Variants in CSMD1 observed in about 807,000 individuals in gnomAD.
CSMD1 encodes CUB and sushi domain-containing protein 1.
In CSMD1, 213 loss-of-function variants were observed where a neutral mutation model predicts 417.5. The ratio of observed to expected loss-of-function variants is 0.51; its 90% CI spans 0.46 to 0.57. The LOEUF is 0.57. Ranked by LOEUF, CSMD1 falls within the 20% of genes least tolerant of loss-of-function variation. CSMD1 has a pLI of 0.00. For synonymous variants in CSMD1, 2,862 were observed against 1,736.8 expected, an observed-to-expected ratio of 1.65 and a Z score of -16.11; for missense variants, 6,923 against 4,529.7, an observed-to-expected ratio of 1.53 and a Z score of -15.17.
chr8:3,554,798 C>T (rs1410440289), intron 10 of CSMD1, among the ~76,000 whole-genome samples: 1 of 152,120 alleles, frequency 6.6e-6, no homozygotes, highest in Non-Finnish European at 1.5e-5. Context: ...GAAGAGATTT[C>T]AACAGTGTGT....
chr8:4,824,994 T>A (rs1293838917), intron 1 of CSMD1, among the ~76,000 whole-genome samples: 1 of 152,110 alleles, frequency 6.6e-6, no homozygotes, highest in Non-Finnish European at 1.5e-5. Flanking sequence ...TGAGCGAACC[T>A]GAATGCACTG....
chr8:3,651,899 C>G (rs1797875414), intron 7 of CSMD1, among the ~76,000 whole-genome samples: 1 of 151,728 alleles, frequency 6.6e-6, no homozygotes, highest in Non-Finnish European at 1.5e-5. Context: ...TTACTACCAT[C>G]AGAGTGCTTA....
At chr8:3,957,293 T>C (rs942315143) in intron 5 of CSMD1, among the ~76,000 whole-genome samples, 1 of 152,230 alleles carries the variant, frequency 6.6e-6, no homozygotes, top group African/African-American at 2.4e-5. Flanking sequence ...TTTTGTGCCC[T>C]CAGAAATATT....
intron 2 of CSMD1, among the ~76,000 whole-genome samples, chr8:4,554,959 C>T (rs1198151440): frequency 2.6e-5 from 4 of 152,130 alleles, no homozygotes; most frequent in Non-Finnish European, 5.9e-5. Context: ...TAAGCCAAGC[C>T]TGCTGGAGGG....
intron 1 of CSMD1, among the ~76,000 whole-genome samples, chr8:4,786,386 A>C (rs1797401053): frequency 6.6e-6 from 1 of 152,246 alleles, no homozygotes; most frequent in South Asian, 2.1e-4. Context: ...CAGAACATGC[A>C]TCGGTCAAGT....
At chr8:3,047,444 C>T (rs1811533477) in intron 50 of CSMD1, among the ~76,000 whole-genome samples, 1 of 152,136 alleles carries the variant, frequency 6.6e-6, no homozygotes, top group African/African-American at 2.4e-5. Flanking sequence ...ACCAGTCTCA[C>T]ACCAGTAGTT....
chr8:3,646,125 G>T (rs1797558286), intron 7 of CSMD1, among the ~76,000 whole-genome samples: 1 of 150,836 alleles, frequency 6.6e-6, no homozygotes, highest in South Asian at 2.1e-4. Flanking sequence ...ACCTTTTGAA[G>T]AATGCTTATT....
chr8:3,272,723 C>A (rs1398583445), intron 26 of CSMD1, among the ~76,000 whole-genome samples: 1 of 145,696 alleles, frequency 6.9e-6, no homozygotes, highest in East Asian at 2.0e-4. Flanking sequence ...CCTGATTTGG[C>A]TCTCTGTTTG....
intron 50 of CSMD1, among the ~76,000 whole-genome samples, chr8:3,048,606 T>G (rs1387601153): frequency 6.6e-6 from 1 of 152,150 alleles, no homozygotes; most frequent in Non-Finnish European, 1.5e-5. Flanking sequence ...CACACCCACA[T>G]ATAAAGTTCA....
intron 5 of CSMD1, among the ~76,000 whole-genome samples, chr8:3,969,929 T>C (rs1050300359): frequency 1.3e-5 from 2 of 152,184 alleles, no homozygotes; most frequent in African/African-American, 4.8e-5. Flanking sequence ...AAATCCCTCA[T>C]TTTATTTAAA....
chr8:3,944,767 T>C (rs1317626257), intron 5 of CSMD1, among the ~76,000 whole-genome samples: 2 of 149,460 alleles, frequency 1.3e-5, no homozygotes, highest in Admixed American at 1.3e-4. Flanking sequence ...CTCAACTCTT[T>C]TCTTACAAAT....
intron 2 of CSMD1, among the ~76,000 whole-genome samples, chr8:4,459,556 G>C (rs1585113042): frequency 6.6e-6 from 1 of 152,202 alleles, no homozygotes; most frequent in South Asian, 2.1e-4. Flanking sequence ...GCTTTCACTA[G>C]AGCTGCAGGC....
At chr8:3,503,949 A>G (rs10106674) in intron 10 of CSMD1, among the ~76,000 whole-genome samples, 35,987 of 151,612 alleles carry the variant, frequency 0.24, 4,842 homozygotes, top group African/African-American at 0.35. Flanking sequence ...GGCGGGGGTT[A>G]GGGCGTGGAC....
chr8:4,117,939 G>A (rs1461781555), intron 3 of CSMD1, among the ~76,000 whole-genome samples: 2 of 104,638 alleles, frequency 1.9e-5, no homozygotes, highest in African/African-American at 7.8e-5. Flanking sequence ...AAAAGTCAGG[G>A]CAAGTCAATA....
chr8:4,703,561 G>C (rs576629409), intron 1 of CSMD1, among the ~76,000 whole-genome samples: 116 of 152,216 alleles, frequency 7.6e-4, no homozygotes, highest in African/African-American at 2.8e-3. Context: ...TAGATATACA[G>C]TATAATTATG....
chr8:2,955,510 G>A (rs1259436825), intron 64 of CSMD1, 79 bp downstream of exon 64: 40 of 1,421,880 alleles, frequency 2.8e-5, no homozygotes, highest in South Asian at 2.7e-4. Flanking sequence ...GGTCTCACAC[G>A]TGGACACTAG....
rs751977005 is a variant in CSMD1, at chr8:4,345,379, C to T, written c.415+74574G>A. ...TATTTTTGACATGTAATTATACACA[C>T]TTATGCAATAGAGTATTTTCATACA... On this transcript the variant is annotated intron_variant, in intron 3 of 69. Coordinates refer to ENST00000635120, the MANE Select transcript of CSMD1 (RefSeq NM_033225.6). 5.9e-5 allele frequency among the ~76,000 whole-genome samples: 9 copies of T among 152,140 alleles called. No individual in the cohort carries two copies. In the South Asian group the frequency reaches 6.2e-4, roughly 10 times the overall value.
At chr8:4,285,899 A>C (rs1484505289) in intron 3 of CSMD1, among the ~76,000 whole-genome samples, 1 of 152,170 alleles carries the variant, frequency 6.6e-6, no homozygotes, top group African/African-American at 2.4e-5. Flanking sequence ...ATCCAACTGA[A>C]GTATTTTAAA....
At chr8:4,622,888 C>A (rs1355911415) in intron 2 of CSMD1, among the ~76,000 whole-genome samples, 3 of 152,044 alleles carry the variant, frequency 2.0e-5, no homozygotes, top group Non-Finnish European at 4.4e-5. Flanking sequence ...AAAACAACTA[C>A]TAAAATTAAT....
Sources: gnomAD v4.1 joint callset for allele counts (sites outside exome capture counted in the v4.1 genomes callset) on GRCh38, gnomAD v4.1.1 for gene constraint, MANE v1.5 for transcripts, NCBI Gene and HGNC (gene_info 2026-07-23, HGNC 2026-07-21) for gene names.